MACROD2: variants seen among roughly 807,000 people sequenced by gnomAD.
The protein encoded by MACROD2 is ADP-ribose glycohydrolase MACROD2.
Under a neutral mutation model 70.4 loss-of-function variants are expected in MACROD2, and 36 were observed. The ratio of observed to expected loss-of-function variants is 0.51; its 90% CI spans 0.39 to 0.68. The LOEUF (loss-of-function observed/expected upper bound fraction) is 0.68, where lower values mean the gene tolerates loss of function less well. MACROD2 is among the 30% of genes least tolerant of loss of function. MACROD2 has a pLI of 0.00. For missense variants in MACROD2, 496 were observed against 538.4 expected, an observed-to-expected ratio of 0.92 and a Z score of 0.78; for synonymous variants, 172 against 178.8, an observed-to-expected ratio of 0.96 and a Z score of 0.30.
chr20:15,499,764 C>G lies in MACROD2; in HGVS notation c.572-10C>G, dbSNP rs200993503. 1.9e-6 allele frequency: 3 copies of G among 1,613,472 alleles called. No homozygotes were observed. Among genetic ancestry groups the G allele is most frequent in the Non-Finnish European group, 2.5e-6 (3 of 1,179,548 alleles). ...CGTTGTTCATTTGTTTTTTCCTGCT[C>G]TTCATCTAGGCTTTCCCAACGAGCC... On this transcript the variant is annotated splice_polypyrimidine_tract_variant and intron_variant, in intron 7 of 17. Coordinates refer to ENST00000684519, the MANE Select transcript of MACROD2 (RefSeq NM_001351661.2).
chr20:14,928,335 G>C (rs2074258103), intron 5 of MACROD2, among the ~76,000 whole-genome samples: 1 of 152,164 alleles, frequency 6.6e-6, no homozygotes, highest in African/African-American at 2.4e-5. Context: ...TTGTTCATTT[G>C]TAAGACTAAC....
chr20:15,431,095 C>T lies in MACROD2; in HGVS notation c.541-310C>T, dbSNP rs200963063. ...GGGATGAGTTCTGACTATTGGTTAT[C>T]TGTGTTTTGATATAATTTATTTCAT... On this transcript the variant is annotated intron_variant, in intron 6 of 17. Coordinates refer to ENST00000684519, the MANE Select transcript of MACROD2 (RefSeq NM_001351661.2). 1.1e-4 allele frequency among the ~76,000 whole-genome samples: 17 copies of T among 152,040 alleles called. No individual in the cohort carries two copies. The East Asian group carries it at 3.1e-3, about 28-fold the overall frequency.
At chr20:15,900,866 A>T (rs1428000451) in intron 10 of MACROD2, among the ~76,000 whole-genome samples, 3 of 152,164 alleles carry the variant, frequency 2.0e-5, no homozygotes, top group Non-Finnish European at 4.4e-5. Context: ...TTCTTCATAC[A>T]TTAAATGGAC....
intron 13 of MACROD2, 52 bp downstream of exon 13, chr20:15,967,682 A>C: frequency 5.5e-4 from 177 of 321,536 alleles, no homozygotes; most frequent in East Asian, 9.3e-4. Flanking sequence ...TGGGAAACAG[A>C]AAAAAAAAAA....
At chr20:14,981,690 C>A (rs1278898182) in intron 5 of MACROD2, among the ~76,000 whole-genome samples, 1 of 152,054 alleles carries the variant, frequency 6.6e-6, no homozygotes, top group Non-Finnish European at 1.5e-5. Context: ...TGTCTGCCAC[C>A]ATATGAGATG....
Position 15,901,481 on chromosome 20 carries a change from G to A in MACROD2, c.775+15670G>A, listed in dbSNP as rs6034322. Among the ~76,000 whole-genome samples, 562 of 152,220 alleles carry A rather than the reference G, an allele frequency of 3.7e-3. 3 individuals carry two copies. The highest frequency in any genetic ancestry group is 0.013 in the African/African-American group (528 of 41,534). On this transcript the variant is annotated intron_variant, in intron 10 of 17. Transcript: ENST00000684519. ...CCCCAGTCAGCCGCACCATCACGAC[G>A]GTAAACAACTGATACCGCACTCTAG...
At chr20:15,739,328 T>C (rs1372113299) in intron 8 of MACROD2, among the ~76,000 whole-genome samples, 1 of 152,146 alleles carries the variant, frequency 6.6e-6, no homozygotes, top group African/African-American at 2.4e-5. Context: ...GGAGCTCACA[T>C]GAGAGATAGG....
chr20:15,290,542 G>A (rs2077532346), intron 6 of MACROD2, among the ~76,000 whole-genome samples: 1 of 152,194 alleles, frequency 6.6e-6, no homozygotes, highest in Admixed American at 6.5e-5. Context: ...GAGACACTCA[G>A]GATTATGGAT....
At chr20:15,297,622 G>T (rs2077602825) in intron 6 of MACROD2, among the ~76,000 whole-genome samples, 1 of 151,996 alleles carries the variant, frequency 6.6e-6, no homozygotes, top group Admixed American at 6.6e-5. Context: ...CCCATCCTTG[G>T]ACCCCATCTC....
intron 5 of MACROD2, chr20:14,893,642 T>G (rs571091632): frequency 2.6e-4 from 39 of 152,250 alleles, no homozygotes; most frequent in African/African-American, 9.4e-4. Context: ...AATTTAATAT[T>G]TTTAATACTT....
chr20:14,611,911 G>A (rs1568698451), intron 4 of MACROD2, among the ~76,000 whole-genome samples: 1 of 152,016 alleles, frequency 6.6e-6, no homozygotes, highest in Non-Finnish European at 1.5e-5. Context: ...ATTACATAGT[G>A]GATTATTCAG....
intron 7 of MACROD2, among the ~76,000 whole-genome samples, chr20:15,440,419 A>T (rs904127653): frequency 1.3e-5 from 2 of 152,186 alleles, no homozygotes; most frequent in African/African-American, 4.8e-5. Context: ...TCTTTCTGCT[A>T]TCCACCACAT....
chr20:14,102,841 A>G lies in MACROD2; in HGVS notation c.271+17113A>G, dbSNP rs188459454. ...GGATATAGGATGTAGGATGGGGAAG[A>G]ACTTTTTTTTTTGAAGTGGACTCTA... is the stretch of plus-strand genomic sequence containing the variant. On this transcript the variant is annotated intron_variant, in intron 3 of 17. Transcript: ENST00000684519. Among the ~76,000 whole-genome samples the G allele has an allele frequency of 2.7e-3, 411 of 151,938 alleles. 6 individuals are homozygous for G. The highest frequency in any genetic ancestry group is 0.015 in the Admixed American group (226 of 15,264).
At chr20:14,431,068 A>C (rs977676482) in intron 3 of MACROD2, among the ~76,000 whole-genome samples, 3 of 152,110 alleles carry the variant, frequency 2.0e-5, no homozygotes, top group African/African-American at 7.2e-5. Context: ...TTTTTACATA[A>C]GCTGTTGTAC....
chr20:14,539,894 G>C (rs2085410420), intron 4 of MACROD2, among the ~76,000 whole-genome samples: 1 of 152,140 alleles, frequency 6.6e-6, no homozygotes, highest in Admixed American at 6.5e-5. Flanking sequence ...GAAAGCATTA[G>C]ATGTAATGGC....
At chr20:14,250,788 C>A (rs1207472324) in intron 3 of MACROD2, among the ~76,000 whole-genome samples, 1 of 151,882 alleles carries the variant, frequency 6.6e-6, no homozygotes, top group Non-Finnish European at 1.5e-5. Flanking sequence ...ATAATGTCAA[C>A]CTTTTTGCCA....
intron 4 of MACROD2, chr20:14,566,495 T>C (rs914067203): frequency 6.6e-6 from 1 of 152,066 alleles, no homozygotes; most frequent in Admixed American, 6.6e-5. Context: ...TAACTGATTA[T>C]GTGAGATTGC....
chr20:15,937,035 T>A (rs932337784), intron 11 of MACROD2, among the ~76,000 whole-genome samples: 2 of 152,150 alleles, frequency 1.3e-5, no homozygotes, highest in African/African-American at 4.8e-5. Flanking sequence ...CCCTGCAGTT[T>A]GACAGCCTGG....
chr20:14,976,898 C>T (rs1020727514), intron 5 of MACROD2, among the ~76,000 whole-genome samples: 1 of 152,062 alleles, frequency 6.6e-6, no homozygotes, highest in African/African-American at 2.4e-5. Context: ...AGTATTCAGT[C>T]AGTACAGTCA....
Sources: gnomAD v4.1 joint callset for allele counts (sites outside exome capture counted in the v4.1 genomes callset) on GRCh38, gnomAD v4.1.1 for gene constraint, MANE v1.5 for transcripts, NCBI Gene and HGNC (gene_info 2026-07-23, HGNC 2026-07-21) for gene names.